CCDC40: variants seen among roughly 807,000 people sequenced by gnomAD.
CCDC40 encodes coiled-coil domain-containing protein 40.
CCDC40 carries 104 observed loss-of-function variants against 124.5 expected under a neutral mutation model. That is an observed-to-expected ratio of 0.84 (90% CI 0.71 to 0.98). The LOEUF is 0.98. CCDC40 is among the 50% of genes least tolerant of loss of function. The pLI, the probability that CCDC40 is intolerant of heterozygous loss-of-function variation, is 0.00. For missense variants in CCDC40, 1,463 were observed against 1,503.9 expected, an observed-to-expected ratio of 0.97 and a Z score of 0.45; for synonymous variants, 580 against 602.9, an observed-to-expected ratio of 0.96 and a Z score of 0.56.
At chr17:80,046,437 G>GA (rs760387131) in intron 3 of CCDC40, among the ~76,000 whole-genome samples, 6 of 152,088 alleles carry the variant, frequency 3.9e-5, no homozygotes, top group Non-Finnish European at 7.4e-5. Flanking sequence ...GGAGGCTAAG[G>GA]AGGGAGGATC....
rs2037384555 is a variant in CCDC40 at position 80,044,965 on chromosome 17, C to T, written c.553-2314C>T. Among the ~76,000 whole-genome samples, 3 of 152,130 alleles carry T rather than the reference C, an allele frequency of 2.0e-5. No homozygotes were observed. The South Asian group carries it at 6.2e-4, about 32-fold the overall frequency. On this transcript the variant is annotated intron_variant, in intron 3 of 19. Coordinates refer to ENST00000397545, the MANE Select transcript of CCDC40 (RefSeq NM_017950.4). ...GGGACAGTGTGAGTGGAGCTTGTGTCCAGTTGTGCACACGGACACCCGGAA... is the reference window on the plus strand; with the variant it reads ...GGGACAGTGTGAGTGGAGCTTGTGTTCAGTTGTGCACACGGACACCCGGAA...
At position 80,050,088 on chromosome 17, in the gene CCDC40, G is replaced by A; in HGVS notation, c.964G>A (p.Ala322Thr). The A allele has an allele frequency of 6.2e-7, 1 of 1,613,758 alleles. No individual in the cohort carries two copies. The highest frequency in any genetic ancestry group is 8.5e-7 in the Non-Finnish European group (1 of 1,179,906). ...GGTTGTGGCTACCAAGCAGAGCCGA[G>A]CCCAGCGGCAGGAGCTGGGGGTGAA... is the stretch of plus-strand genomic sequence containing the variant. ...ELVVATKQSR[A>T]QRQELGVNLY... The change falls in exon 7 of 20, where the codon GCC becomes ACC. Residue 322 changes from alanine (A) to threonine (T), a missense_variant. Coordinates refer to ENST00000397545, the MANE Select transcript of CCDC40 (RefSeq NM_017950.4).
In CCDC40 at chr17:80,095,216, G is replaced by A. The variant is rs368261177; in HGVS notation, c.2833-47G>A. On this transcript the variant is annotated intron_variant, in intron 17 of 19. Coordinates refer to ENST00000397545, the MANE Select transcript of CCDC40 (RefSeq NM_017950.4). Reference sequence around the variant, plus strand: ...CGCCCCGGCCACTCTCTCTGCAGCTGCAGCTCAGGCCTGCCCCAGCCCCAG... The same window carrying A: ...CGCCCCGGCCACTCTCTCTGCAGCTACAGCTCAGGCCTGCCCCAGCCCCAG... 2.1e-5 allele frequency: 34 copies of A among 1,583,868 alleles called. No homozygotes were observed. The African/African-American group carries it at 4.0e-4, about 19-fold the overall frequency.
At chr17:80,056,337 G>A (rs915426906) in intron 7 of CCDC40, among the ~76,000 whole-genome samples, 8 of 151,948 alleles carry the variant, frequency 5.3e-5, no homozygotes, top group Admixed American at 3.3e-4. Context: ...AAAGCACCTC[G>A]GGCCAGGTGC....
chr17:80,067,945 A>G (rs1056693874), intron 10 of CCDC40: 11 of 1,166,242 alleles, frequency 9.4e-6, no homozygotes, highest in Non-Finnish European at 1.2e-5. Context: ...ACGCACAAAC[A>G]CTTCACAACG....
chr17:80,097,131 C>T (rs564115236), intron 18 of CCDC40, 114 bp from the exon 19 acceptor site: 1 of 1,157,636 alleles, frequency 8.6e-7, no homozygotes, highest in South Asian at 1.2e-5. Context: ...TCTTTGGGAG[C>T]CTCCCTGGAT....
chr17:80,044,540 C>T (rs140784086), intron 3 of CCDC40, among the ~76,000 whole-genome samples: 2,256 of 151,568 alleles, frequency 0.015, 55 homozygotes, highest in African/African-American at 0.052. Context: ...AAAAATTAGC[C>T]GGGTGTGTTG....
At position 80,066,009 on chromosome 17, in the gene CCDC40, C is replaced by G; in HGVS notation, c.1562+403C>G. ...TCCAACCGAAATCCTATTTTAATCTCCAAAGGAAGGGGAGGAAGAGGCCTC... is the reference window on the plus strand; with the variant it reads ...TCCAACCGAAATCCTATTTTAATCTGCAAAGGAAGGGGAGGAAGAGGCCTC... On this transcript the variant is annotated intron_variant, in intron 10 of 19. Coordinates refer to ENST00000397545, the MANE Select transcript of CCDC40 (RefSeq NM_017950.4). This position sits in a 1 kb window ranked among gnomAD's most constrained non-coding sequence, Gnocchi z 4.4. 1 of 676,546 alleles carries G rather than the reference C, an allele frequency of 1.5e-6. No individual in the cohort carries two copies. The highest frequency in any genetic ancestry group is 2.7e-6 in the Non-Finnish European group (1 of 372,030). 41.9% of individuals were successfully genotyped at this position (676,546 alleles called of 1,614,324 possible). A position where few individuals can be genotyped will look rare whatever the true frequency, so the allele number is the denominator to read the frequency against.
chr17:80,058,225 T>A lies in CCDC40; in HGVS notation c.1160-269T>A, dbSNP rs535961357. 1.5e-4 allele frequency among the ~76,000 whole-genome samples: 23 copies of A among 152,354 alleles called. No individual in the cohort carries two copies. Among genetic ancestry groups the A allele is most frequent in the African/African-American group, 5.5e-4 (23 of 41,586 alleles). On this transcript the variant is annotated intron_variant, in intron 7 of 19. Transcript: ENST00000397545. This position sits in a 1 kb window ranked among gnomAD's most constrained non-coding sequence, Gnocchi z 4.2. The stretch of plus-strand genomic sequence containing the variant: ...GTATCCTTAGACTACCAGGAGGATC[T>A]CTGAGACTTGGTGGGGAATGGAACA...
At position 80,081,857 on chromosome 17, in the gene CCDC40, T is replaced by A. The variant is rs2038458113; in HGVS notation, c.1807-19T>A. On this transcript the variant is annotated intron_variant, in intron 11 of 19. Transcript: ENST00000397545. ...GGTGCCTCTTCAGGCACGTGCACCC[T>A]GTGGCTCCTTGTCTCCAGGAACAAA... is the stretch of plus-strand genomic sequence containing the variant. 1.5e-5 allele frequency: 24 copies of A among 1,614,066 alleles called. No homozygotes were observed. Among genetic ancestry groups the A allele is most frequent in the Non-Finnish European group, 2.0e-5 (24 of 1,180,002 alleles).
intron 2 of CCDC40, among the ~76,000 whole-genome samples, chr17:80,039,033 G>T (rs1438073363): frequency 1.3e-5 from 2 of 151,704 alleles, no homozygotes; most frequent in African/African-American, 4.8e-5. Flanking sequence ...GAGTTTTTCG[G>T]AACTCATTTC....
intron 10 of CCDC40, chr17:80,081,323 T>C: frequency 3.6e-6 from 1 of 278,014 alleles, no homozygotes; most frequent in African/African-American, 2.3e-5. Context: ...AGGCGGAGGT[T>C]GCAGTGAACC....
In CCDC40 at chr17:80,081,387, A is replaced by AAAAT. The variant is rs60850594; in HGVS notation, c.1563-136_1563-133dup. 1,119 of 350,846 alleles carry AAAAT rather than the reference A, an allele frequency of 3.2e-3. 121 individuals are homozygous for AAAAT. The highest frequency in any genetic ancestry group is 0.026 in the Middle Eastern group (24 of 906). The allele number at this position is 350,846 out of a possible 1,614,324, so 21.7% of individuals were successfully genotyped here. A position where few individuals can be genotyped will look rare whatever the true frequency, so the allele number is the denominator to read the frequency against. On this transcript the variant is annotated intron_variant, in intron 10 of 19. Transcript: ENST00000397545. ...GTTACAGAGTGAGACTCTGTCTCAAAAAATAAATAAATAAATAAATAAATA... is the reference window on the plus strand; with the variant it reads ...GTTACAGAGTGAGACTCTGTCTCAAAAAATAAATAAATAAATAAATAAATAAATA...
intron 10 of CCDC40, chr17:80,067,983 A>AAG: frequency 9.2e-7 from 1 of 1,087,202 alleles, no homozygotes; most frequent in Non-Finnish European, 1.1e-6. Flanking sequence ...CTTCACCTGC[A>AAG]GCTTGCCACA....
chr17:80,071,831 C>CTTT lies in CCDC40; in HGVS notation c.1562+6245_1562+6247dup, dbSNP rs35874742. 9.5e-3 allele frequency among the ~76,000 whole-genome samples: 841 copies of CTTT among 88,834 alleles called. 12 individuals carry two copies. The highest frequency in any genetic ancestry group is 0.013 in the African/African-American group (290 of 22,644). 58.3% of individuals were successfully genotyped at this position (88,834 alleles called of 152,430 possible). On this transcript the variant is annotated intron_variant, in intron 10 of 19. Transcript: ENST00000397545. Reference sequence around the variant, plus strand: ...AGGAAGTGCATTTTGGGTTTTTCAGCTTTTTTTTTTTTTTTTTTTTTTGAG... The same window carrying CTTT: ...AGGAAGTGCATTTTGGGTTTTTCAGCTTTTTTTTTTTTTTTTTTTTTTTTTGAG...
chr17:80,087,522 G>A lies in CCDC40; in HGVS notation c.2450-85G>A, dbSNP rs1358355355. The A allele has an allele frequency of 6.5e-6, 7 of 1,081,042 alleles. No individual in the cohort carries two copies. Among genetic ancestry groups the A allele is most frequent in the Non-Finnish European group, 9.9e-6 (7 of 709,400 alleles). 67.0% of individuals were successfully genotyped at this position (1,081,042 alleles called of 1,614,324 possible). ...GGAGCTACAGGGAGAGACAAAACCT[G>A]GCTCACCTCTCGGACACTGCTGCCT... is the stretch of plus-strand genomic sequence containing the variant. On this transcript the variant is annotated intron_variant, in intron 14 of 19. Transcript: ENST00000397545. This position sits in a 1 kb window ranked among gnomAD's most constrained non-coding sequence, Gnocchi z 4.5.
At chr17:80,054,558 A>C (rs1366890702) in intron 7 of CCDC40, among the ~76,000 whole-genome samples, 1 of 152,224 alleles carries the variant, frequency 6.6e-6, no homozygotes, top group East Asian at 1.9e-4. Flanking sequence ...GCGGCCCCAC[A>C]TGTGAGGAGT....
chr17:80,069,263 G>A (rs369104275), intron 10 of CCDC40, among the ~76,000 whole-genome samples: 3 of 152,150 alleles, frequency 2.0e-5, no homozygotes, highest in Non-Finnish European at 4.4e-5. Flanking sequence ...TGCTGCGTGG[G>A]GGGGGCGGTA....
chr17:80,040,666 G>T, intron 3 of CCDC40: 1 of 148,466 alleles, frequency 6.7e-6, no homozygotes, highest in Non-Finnish European at 1.4e-5. Flanking sequence ...GCAACAGAGT[G>T]AGACCTTGTC....
Sources: allele counts gnomAD v4.1 joint callset (sites outside exome capture counted in the v4.1 genomes callset), GRCh38; gene constraint gnomAD v4.1.1; non-coding constraint Gnocchi (gnomAD v3.1); transcripts MANE v1.5; gene names NCBI Gene and HGNC (gene_info 2026-07-23, HGNC 2026-07-21).